Variants in CLNK observed in about 807,000 individuals in gnomAD.
The protein encoded by CLNK is cytokine-dependent hematopoietic cell linker.
In CLNK, 74 loss-of-function variants were observed where a neutral mutation model predicts 68.6. The ratio of observed to expected loss-of-function variants is 1.08; its 90% CI spans 0.89 to 1.31. The LOEUF is 1.31. CLNK is among the 50% of genes most tolerant of loss of function. CLNK has a pLI of 0.00. For synonymous variants in CLNK, 198 were observed against 172.2 expected, an observed-to-expected ratio of 1.15 and a Z score of -1.17; for missense variants, 553 against 515.3, an observed-to-expected ratio of 1.07 and a Z score of -0.71.
chr4:10,553,125 A>C (rs1719527265), intron 8 of CLNK, among the ~76,000 whole-genome samples: 1 of 152,190 alleles, frequency 6.6e-6, no homozygotes, highest in Non-Finnish European at 1.5e-5. Context: ...AGATTAAGGA[A>C]TATCCGCCCC....
At chr4:10,733,476 C>T in the CLNK span, among the ~76,000 whole-genome samples, 1 of 152,138 alleles carries the variant, frequency 6.6e-6, no homozygotes, top group African/African-American at 2.4e-5. Flanking sequence ...CTCTCTTGGT[C>T]TTAGTTTTCT....
intron 4 of CLNK, among the ~76,000 whole-genome samples, chr4:10,577,775 T>C (rs1388507997): frequency 2.0e-5 from 3 of 151,710 alleles, no homozygotes; most frequent in African/African-American, 7.3e-5. Context: ...GGGACTTGAC[T>C]TACATAAGAA....
intron 17 of CLNK, among the ~76,000 whole-genome samples, chr4:10,501,991 T>A (rs1044573052): frequency 2.0e-5 from 3 of 152,208 alleles, no homozygotes; most frequent in Admixed American, 6.5e-5. Context: ...GGCATAGTGC[T>A]CATGAACTTA....
intron 8 of CLNK, among the ~76,000 whole-genome samples, chr4:10,556,600 C>T (rs990119867): frequency 6.6e-6 from 1 of 152,200 alleles, no homozygotes; most frequent in Non-Finnish European, 1.5e-5. Context: ...TGATTTCTCT[C>T]CAGGACTCAT....
chr4:10,495,219 G>T (rs1716756108), intron 18 of CLNK, among the ~76,000 whole-genome samples: 1 of 152,188 alleles, frequency 6.6e-6, no homozygotes, highest in Non-Finnish European at 1.5e-5. Flanking sequence ...GAGAGATCTG[G>T]AAATTGAAAT....
chr4:10,630,280 C>T (rs1048189387), intron 2 of CLNK, among the ~76,000 whole-genome samples: 1 of 152,178 alleles, frequency 6.6e-6, no homozygotes, highest in African/African-American at 2.4e-5. Flanking sequence ...CGGCAAGTTA[C>T]TATGACACGC....
intron 8 of CLNK, among the ~76,000 whole-genome samples, chr4:10,554,024 G>C (rs777808405): frequency 1.3e-5 from 2 of 152,182 alleles, no homozygotes; most frequent in South Asian, 2.1e-4. Flanking sequence ...GGAGGGGCTG[G>C]ATCGTGGAGA....
At chr4:10,526,159 TC>T (rs1718311408) in intron 13 of CLNK, among the ~76,000 whole-genome samples, 2 of 152,238 alleles carry the variant, frequency 1.3e-5, no homozygotes, top group East Asian at 3.9e-4. Flanking sequence ...CTAGAACACA[TC>T]ATTGAACCTC....
intron 2 of CLNK, among the ~76,000 whole-genome samples, chr4:10,641,943 T>C (rs1192577368): frequency 6.6e-6 from 1 of 152,186 alleles, no homozygotes; most frequent in Non-Finnish European, 1.5e-5. Flanking sequence ...TGCCACCATG[T>C]AACGTGTGCC....
chr4:10,617,098 A>C (rs928274580), intron 2 of CLNK, among the ~76,000 whole-genome samples: 1 of 152,112 alleles, frequency 6.6e-6, no homozygotes, highest in South Asian at 2.1e-4. Context: ...AGTGCACAAT[A>C]TAAGTTAATG....
intron 2 of CLNK, among the ~76,000 whole-genome samples, chr4:10,643,352 G>A (rs904580836): frequency 2.0e-5 from 3 of 152,172 alleles, no homozygotes; most frequent in African/African-American, 7.2e-5. Flanking sequence ...AACCGGGGTT[G>A]GTGTTATATA....
At chr4:10,618,866 G>C (rs2531199) in intron 2 of CLNK, among the ~76,000 whole-genome samples, 147,958 of 152,328 alleles carry the variant, frequency 0.97, 71,944 homozygotes, top group East Asian at 1. Context: ...GACTCTGGCC[G>C]CTGGATCCAA....
At chr4:10,699,494 C>CTATATATATATATA in the CLNK span, among the ~76,000 whole-genome samples, 3 of 56,984 alleles carry the variant, frequency 5.3e-5, no homozygotes, top group African/African-American at 2.7e-4. Flanking sequence ...CTCTCTCTCT[C>CTATATATATATATA]TATATATATA....
intron 3 of CLNK, among the ~76,000 whole-genome samples, chr4:10,587,706 A>G (rs1721020290): frequency 6.6e-6 from 1 of 152,168 alleles, no homozygotes; most frequent in African/African-American, 2.4e-5. Context: ...TATCGCCTCA[A>G]CTTTACAGAA....
At chr4:10,637,438 G>GTTTTTTTTTTTT (rs11396379) in intron 2 of CLNK, among the ~76,000 whole-genome samples, 1 of 124,164 alleles carries the variant, frequency 8.1e-6, no homozygotes. Flanking sequence ...AATAAAAAAA[G>GTTTTTTTTTTTT]TTTTTTTTTT....
At chr4:10,633,168 C>T (rs1560253846) in intron 2 of CLNK, among the ~76,000 whole-genome samples, 1 of 152,182 alleles carries the variant, frequency 6.6e-6, no homozygotes, top group Non-Finnish European at 1.5e-5. Flanking sequence ...GAACTCCTGA[C>T]CTTAGGTGAT....
intron 2 of CLNK, among the ~76,000 whole-genome samples, chr4:10,601,321 G>A (rs1173223713): frequency 5.3e-5 from 8 of 152,202 alleles, no homozygotes; most frequent in African/African-American, 1.7e-4. Context: ...GGAGAATGGA[G>A]AATGGGGAGG....
At chr4:10,661,434 C>T (rs1051777530) in intron 2 of CLNK, among the ~76,000 whole-genome samples, 2 of 152,192 alleles carry the variant, frequency 1.3e-5, no homozygotes, top group Non-Finnish European at 2.9e-5. Context: ...TTCTTAATCA[C>T]TATGTCTTAT....
In CLNK at chr4:10,547,873, T is replaced by G. The variant is rs1047070327; in HGVS notation, c.446-5593A>C. ...TCCATTGTGTGTATATACCACAATTTTTTGATCCATTCATCTGTCTATGGA... is the reference window on the plus strand; with the variant it reads ...TCCATTGTGTGTATATACCACAATTGTTTGATCCATTCATCTGTCTATGGA... On this transcript the variant is annotated intron_variant, in intron 8 of 18. Coordinates refer to ENST00000226951, the MANE Select transcript of CLNK (RefSeq NM_052964.4). Among the ~76,000 whole-genome samples, 9 of 152,200 alleles carry G rather than the reference T, an allele frequency of 5.9e-5. No homozygotes were observed. In the East Asian group the frequency reaches 7.7e-4, roughly 13 times the overall value.
Sources: allele counts gnomAD v4.1 joint callset (sites outside exome capture counted in the v4.1 genomes callset), GRCh38; gene constraint gnomAD v4.1.1; transcripts MANE v1.5; gene names NCBI Gene and HGNC (gene_info 2026-07-23, HGNC 2026-07-21).